FOXP2: variants seen among roughly 807,000 people sequenced by gnomAD.
FOXP2 encodes the protein forkhead box P2, also known as forkhead box protein P2.
A neutral mutation model predicts 115.8 loss-of-function variants in FOXP2; 12 were observed. The observed-to-expected ratio is 0.10, with a 90% CI of 0.07 to 0.17. The LOEUF (loss-of-function observed/expected upper bound fraction) is 0.17. FOXP2 is among the 10% of genes least tolerant of loss of function. FOXP2 has a pLI of 1.00. For missense variants in FOXP2, 629 were observed against 843.5 expected (o/e 0.75, Z 3.15); for synonymous variants, 328 against 297.7 (o/e 1.10, Z -1.05).
chr7:114,144,133 G>C (rs1792300447), intron 1 of FOXP2, among the ~76,000 whole-genome samples: 1 of 152,158 alleles, frequency 6.6e-6, no homozygotes, highest in Non-Finnish European at 1.5e-5. Flanking sequence ...GTTAAAAGTA[G>C]GCTAGGCTAA....
At chr7:114,383,836 G>A (rs193022200) in intron 2 of FOXP2, among the ~76,000 whole-genome samples, 1 of 152,132 alleles carries the variant, frequency 6.6e-6, no homozygotes, top group Non-Finnish European at 1.5e-5. Context: ...GTTATTTTCC[G>A]ATGAGCATTA....
At chr7:114,568,782 A>G (rs1248219666) in intron 3 of FOXP2, among the ~76,000 whole-genome samples, 3 of 151,812 alleles carry the variant, frequency 2.0e-5, no homozygotes, top group Non-Finnish European at 2.9e-5. Flanking sequence ...CTTTTATTCC[A>G]TAGTATTTTT....
intron 2 of FOXP2, among the ~76,000 whole-genome samples, chr7:114,323,983 T>A (rs958407687): frequency 1.3e-5 from 2 of 151,970 alleles, no homozygotes; most frequent in Admixed American, 6.5e-5. Context: ...TCCATATGCC[T>A]ATCAATATTT....
intron 2 of FOXP2, among the ~76,000 whole-genome samples, chr7:114,464,686 C>T (rs1439729420): frequency 1.3e-5 from 2 of 152,082 alleles, no homozygotes; most frequent in Non-Finnish European, 1.5e-5. Flanking sequence ...CTTACATTTG[C>T]GATGAGCAAG....
chr7:114,626,272 A>G (rs977771059), intron 3 of FOXP2, among the ~76,000 whole-genome samples: 10 of 151,828 alleles, frequency 6.6e-5, no homozygotes, highest in African/African-American at 2.4e-4. Context: ...CAAATCGATC[A>G]CAATAGCAAC....
intron 2 of FOXP2, among the ~76,000 whole-genome samples, chr7:114,385,911 G>A (rs1341151864): frequency 1.3e-5 from 2 of 152,248 alleles, no homozygotes; most frequent in East Asian, 3.9e-4. Flanking sequence ...CGGATTCCAA[G>A]GAATGGAATC....
intron 14 of FOXP2, among the ~76,000 whole-genome samples, chr7:114,663,110 G>A (rs1806963983): frequency 6.6e-6 from 1 of 151,998 alleles, no homozygotes; most frequent in African/African-American, 2.4e-5. Flanking sequence ...TAATTGTATT[G>A]TATATTTACA....
intron 1 of FOXP2, chr7:114,088,351 T>A (rs1168687060): frequency 3.3e-5 from 5 of 152,238 alleles, no homozygotes; most frequent in African/African-American, 1.2e-4. Flanking sequence ...TATGTAGTCA[T>A]CGTGGATCAG....
chr7:114,552,823 TA>T (rs1800275896), intron 3 of FOXP2, among the ~76,000 whole-genome samples: 1 of 152,150 alleles, frequency 6.6e-6, no homozygotes, highest in Non-Finnish European at 1.5e-5. Flanking sequence ...TATTTAGAAA[TA>T]TAATTATATA....
intron 1 of FOXP2, among the ~76,000 whole-genome samples, chr7:114,268,515 AAGAT>A (rs1795955028): frequency 6.6e-6 from 1 of 152,184 alleles, no homozygotes; most frequent in Non-Finnish European, 1.5e-5. Flanking sequence ...TTCTTTAGGA[AAGAT>A]AGAGTATGTT....
intron 1 of FOXP2, among the ~76,000 whole-genome samples, chr7:114,191,865 T>C (rs1393326792): frequency 1.3e-5 from 2 of 152,174 alleles, no homozygotes; most frequent in African/African-American, 4.8e-5. Context: ...ATATCCACCA[T>C]TACAGTATCA....
At chr7:114,430,215 C>T (rs1448407690) in intron 2 of FOXP2, among the ~76,000 whole-genome samples, 1 of 151,650 alleles carries the variant, frequency 6.6e-6, no homozygotes, top group African/African-American at 2.4e-5. Context: ...CTATTTGATA[C>T]GAAAAGTACC....
At position 114,691,943 on chromosome 7, in the gene FOXP2, G is replaced by GAAAAAAAAAAAAAAAAAAAAACA; in HGVS notation, c.*2030_*2031insAAAAAAAACAAAAAAAAAAAAAA. ...TTCTACCTCTGCAAAAAAAAAAAAA[G>GAAAAAAAAAAAAAAAAAAAAACA]AAAAAAAAAAAAAGAAAAACATTAG... On this transcript the variant is annotated 3_prime_UTR_variant, in exon 17 of 17. Transcript: ENST00000350908. 1 of 364,118 alleles carries GAAAAAAAAAAAAAAAAAAAAACA rather than the reference G, an allele frequency of 2.7e-6. No individual in the cohort carries two copies. The highest frequency in any genetic ancestry group is 8.5e-5 in the East Asian group (1 of 11,760). The allele number at this position is 364,118 out of a possible 1,614,324, so 22.6% of individuals were successfully genotyped here. A position where few individuals can be genotyped will look rare whatever the true frequency, so the allele number is the denominator to read the frequency against.
intron 2 of FOXP2, among the ~76,000 whole-genome samples, chr7:114,375,679 A>G (rs1172341077): frequency 2.0e-5 from 3 of 152,212 alleles, no homozygotes; most frequent in South Asian, 4.1e-4. Context: ...GATGCTGACT[A>G]CAGCTGCAGC....
chr7:114,425,007 C>T (rs1455390089), intron 1 of FOXP2, among the ~76,000 whole-genome samples: 1 of 151,186 alleles, frequency 6.6e-6, no homozygotes, highest in East Asian at 1.9e-4. Context: ...ATACTATAAA[C>T]ATTAATTTTA....
intron 3 of FOXP2, among the ~76,000 whole-genome samples, chr7:114,612,145 G>A (rs548873786): frequency 6.6e-6 from 1 of 152,038 alleles, no homozygotes; most frequent in East Asian, 1.9e-4. Flanking sequence ...GACGAAAATG[G>A]AAGAGAGACA....
At chr7:114,172,204 A>G (rs995344285) in intron 1 of FOXP2, among the ~76,000 whole-genome samples, 1 of 152,214 alleles carries the variant, frequency 6.6e-6, no homozygotes, top group African/African-American at 2.4e-5. Context: ...CACTGAAAAT[A>G]CCAAAGAATT....
At chr7:114,580,253 G>A (rs1477222246) in intron 3 of FOXP2, among the ~76,000 whole-genome samples, 1 of 152,258 alleles carries the variant, frequency 6.6e-6, no homozygotes, top group Admixed American at 6.5e-5. Flanking sequence ...ATCTTAACTA[G>A]GGGAAGGATA....
At chr7:114,327,912 C>CTTTTG (rs1797598683) in intron 2 of FOXP2, among the ~76,000 whole-genome samples, 3 of 145,462 alleles carry the variant, frequency 2.1e-5, no homozygotes, top group African/African-American at 7.7e-5. Context: ...CTTATTTTTT[C>CTTTTG]TTTTCTTTTC....
Sources: allele counts gnomAD v4.1 joint callset (sites outside exome capture counted in the v4.1 genomes callset), GRCh38; gene constraint gnomAD v4.1.1; transcripts MANE v1.5; gene names NCBI Gene and HGNC (gene_info 2026-07-23, HGNC 2026-07-21).